The following STK10 variants were observed in gnomAD, a reference collection of about 807,000 sequenced individuals.
The protein encoded by STK10 is serine/threonine kinase 10, also known as serine/threonine-protein kinase 10.
Under a neutral mutation model 113.8 loss-of-function variants are expected in STK10, and 78 were observed. That is an observed-to-expected ratio of 0.69 (90% CI 0.57 to 0.83). The LOEUF (loss-of-function observed/expected upper bound fraction) is 0.83, where lower values mean the gene tolerates loss of function less well. Ranked by LOEUF, STK10 falls within the 40% of genes least tolerant of loss-of-function variation. The pLI is 0.00. For missense variants in STK10, 1,109 were observed against 1,280.1 expected, an observed-to-expected ratio of 0.87 and a Z score of 2.04; for synonymous variants, 465 against 494.7, an observed-to-expected ratio of 0.94 and a Z score of 0.80.
intron 1 of STK10, among the ~76,000 whole-genome samples, chr5:172,183,573 T>G (rs1170019801): frequency 1.3e-5 from 2 of 150,060 alleles, no homozygotes; most frequent in Non-Finnish European, 3.0e-5. Context: ...CTCGGCCTCC[T>G]AGTAGCTGGG....
rs563928053 is a variant in STK10 at position 172,100,386 on chromosome 5, C to A, written c.871-3826G>T. Among the ~76,000 whole-genome samples, 629 of 152,316 alleles carry A rather than the reference C, an allele frequency of 4.1e-3. 4 individuals carry two copies. The highest frequency in any genetic ancestry group is 0.014 in the African/African-American group (601 of 41,562). On this transcript the variant is annotated intron_variant, in intron 7 of 18. Transcript: ENST00000176763. ...CAGCTGCTCTCTAGCCAGGGCCTCC[C>A]CTGCCATCTAAACAGATGTCCTTTC... is the stretch of plus-strand genomic sequence containing the variant.
At chr5:172,102,376 G>A (rs1289612629) in intron 7 of STK10, among the ~76,000 whole-genome samples, 1 of 152,222 alleles carries the variant, frequency 6.6e-6, no homozygotes, top group Non-Finnish European at 1.5e-5. Flanking sequence ...AGCCAGTGGT[G>A]GAGCACGTCG....
intron 3 of STK10, among the ~76,000 whole-genome samples, chr5:172,121,481 C>CG (rs1561816112): frequency 6.6e-6 from 1 of 151,706 alleles, no homozygotes; most frequent in Non-Finnish European, 1.5e-5. Flanking sequence ...CTGGAACCAC[C>CG]GGTGTGTGCC....
intron 2 of STK10, among the ~76,000 whole-genome samples, chr5:172,144,905 G>A (rs966402733): frequency 2.6e-5 from 4 of 151,948 alleles, no homozygotes; most frequent in African/African-American, 9.7e-5. Context: ...CTAACTACGC[G>A]TGCCCAAGTC....
intron 1 of STK10, among the ~76,000 whole-genome samples, chr5:172,176,377 C>G (rs1371859256): frequency 6.6e-6 from 1 of 152,160 alleles, no homozygotes; most frequent in Admixed American, 6.5e-5. Flanking sequence ...TCACAAACAT[C>G]TTCTCAGGCT....
chr5:172,093,409 T>C lies in STK10; in HGVS notation c.1554+3A>G, dbSNP rs369803825. ...AAGCCCGTGGTGGCAGAGGCGGTGT[T>C]ACCTTGATGGACAGAGAGCCCATCT... is the stretch of plus-strand genomic sequence containing the variant. On this transcript the variant is annotated splice_donor_region_variant and intron_variant, in intron 9 of 18. Transcript: ENST00000176763. This position sits in a 1 kb window ranked among gnomAD's most constrained non-coding sequence, Gnocchi z 4.1. The C allele has an allele frequency of 1.3e-6, 2 of 1,585,392 alleles. No homozygotes were observed. Among genetic ancestry groups the C allele is most frequent in the African/African-American group, 1.3e-5 (1 of 74,262 alleles).
At chr5:172,174,629 C>A (rs1482198929) in intron 1 of STK10, among the ~76,000 whole-genome samples, 2 of 152,190 alleles carry the variant, frequency 1.3e-5, no homozygotes, top group Non-Finnish European at 2.9e-5. Context: ...CAGTTTGTAA[C>A]AACAGCCCTG....
intron 1 of STK10, among the ~76,000 whole-genome samples, chr5:172,182,623 A>G (rs9313582): frequency 0.48 from 70,898 of 146,772 alleles, 19,427 homozygotes; most frequent in African/African-American, 0.77. Flanking sequence ...GCACAATCTC[A>G]GCTCATTGCA....
At chr5:172,096,838 A>G (rs1768866290) in intron 7 of STK10, among the ~76,000 whole-genome samples, 1 of 152,220 alleles carries the variant, frequency 6.6e-6, no homozygotes, top group Non-Finnish European at 1.5e-5. Flanking sequence ...CACGTTAACA[A>G]TGAACCCACA....
chr5:172,050,100 G>A (rs1347264085), intron 18 of STK10, among the ~76,000 whole-genome samples: 4 of 152,256 alleles, frequency 2.6e-5, no homozygotes, highest in Admixed American at 1.3e-4. Context: ...ACCATGCCAG[G>A]CCCACTCATA....
In STK10 at chr5:172,059,225, G is replaced by A. The variant is rs901603861; in HGVS notation, c.2213-1752C>T. Among the ~76,000 whole-genome samples, 6 of 151,922 alleles carry A rather than the reference G, an allele frequency of 3.9e-5. No individual in the cohort carries two copies. In the East Asian group the frequency reaches 7.8e-4, roughly 20 times the overall value. On this transcript the variant is annotated intron_variant, in intron 14 of 18. Coordinates refer to ENST00000176763, the MANE Select transcript of STK10 (RefSeq NM_005990.4). ...TGCTTAAGGTCAGGAGTTCAAGACC[G>A]GCCTGGCCAACATGGTGAAATCCCA...
rs370301917 is a variant in STK10 at position 172,048,414 on chromosome 5, T to TACACACACACACACACACACACAC, written c.2767-3416_2767-3393dup. 3.5e-3 allele frequency among the ~76,000 whole-genome samples: 451 copies of TACACACACACACACACACACACAC among 128,464 alleles called. 14 individuals carry two copies. The highest frequency in any genetic ancestry group is 9.3e-3 in the African/African-American group (300 of 32,230). The allele number at this position is 128,464 out of a possible 152,430, so 84.3% of individuals were successfully genotyped here. On this transcript the variant is annotated intron_variant, in intron 18 of 18. Coordinates refer to ENST00000176763, the MANE Select transcript of STK10 (RefSeq NM_005990.4). ...AAATCAATTTCCCTCTCCCTCTCCCTACACACACACACACACACACACACA... is the reference window on the plus strand; with the variant it reads ...AAATCAATTTCCCTCTCCCTCTCCCTACACACACACACACACACACACACACACACACACACACACACACACACA...
chr5:172,155,139 G>A (rs1770321913), intron 2 of STK10, among the ~76,000 whole-genome samples: 1 of 152,054 alleles, frequency 6.6e-6, no homozygotes, highest in South Asian at 2.1e-4. Context: ...GTCAATGGGA[G>A]ATCTCCTTTG....
At chr5:172,105,088 C>G (rs1330753070) in intron 7 of STK10, among the ~76,000 whole-genome samples, 1 of 152,082 alleles carries the variant, frequency 6.6e-6, no homozygotes, top group Non-Finnish European at 1.5e-5. Flanking sequence ...AGGGAACCAT[C>G]GAGCCTTGGG....
At chr5:172,131,662 A>C (rs1477689961) in intron 2 of STK10, among the ~76,000 whole-genome samples, 1 of 152,032 alleles carries the variant, frequency 6.6e-6, no homozygotes, top group Non-Finnish European at 1.5e-5. Context: ...TAACATTTTT[A>C]CCTTCAGCTT....
At chr5:172,061,989 T>C (rs1020350209) in intron 13 of STK10, among the ~76,000 whole-genome samples, 8 of 151,496 alleles carry the variant, frequency 5.3e-5, no homozygotes, top group African/African-American at 1.9e-4. Flanking sequence ...TTTCTTTTTT[T>C]TTTTTTGAGA....
chr5:172,060,736 T>A (rs1767914007), intron 14 of STK10, among the ~76,000 whole-genome samples: 1 of 152,144 alleles, frequency 6.6e-6, no homozygotes, highest in Non-Finnish European at 1.5e-5. Flanking sequence ...TCTACAGAAA[T>A]GGGGATAACC....
rs1411050462 is a variant in STK10, at chr5:172,043,481, C to G, written c.*1401G>C. Reference sequence around the variant, plus strand: ...CCGCATGATTACTCCAAATCATTACCAGTTTTGTGTTGTTGTTCTTGTTTG... The same window carrying G: ...CCGCATGATTACTCCAAATCATTACGAGTTTTGTGTTGTTGTTCTTGTTTG... On this transcript the variant is annotated 3_prime_UTR_variant, in exon 19 of 19. Coordinates refer to ENST00000176763, the MANE Select transcript of STK10 (RefSeq NM_005990.4). The G allele has an allele frequency of 6.6e-6, 1 of 152,132 alleles. No homozygotes were observed. The highest frequency in any genetic ancestry group is 1.5e-5 in the Non-Finnish European group (1 of 68,028). The allele number at this position is 152,132 out of a possible 1,614,324, so 9.4% of individuals were successfully genotyped here.
chr5:172,088,176 C>T (rs1185290743), intron 10 of STK10, among the ~76,000 whole-genome samples: 1 of 152,154 alleles, frequency 6.6e-6, no homozygotes, highest in East Asian at 1.9e-4. Flanking sequence ...TCCCAAAGTG[C>T]TGAAATTACA....
Sources: allele counts gnomAD v4.1 joint callset (sites outside exome capture counted in the v4.1 genomes callset), GRCh38; gene constraint gnomAD v4.1.1; non-coding constraint Gnocchi (gnomAD v3.1); transcripts MANE v1.5; gene names NCBI Gene and HGNC (gene_info 2026-07-23, HGNC 2026-07-21).